Variants in DPY30 observed in about 807,000 individuals in gnomAD.
DPY30 encodes protein dpy-30 homolog.
A neutral mutation model predicts 16.2 loss-of-function variants in DPY30; 6 were observed. That is an observed-to-expected ratio of 0.37 (90% confidence interval 0.20 to 0.73). The LOEUF is 0.73. DPY30 is among the 30% of genes least tolerant of loss of function. DPY30 has a pLI of 0.51. For missense variants in DPY30, 73 were observed against 113.1 expected, an observed-to-expected ratio of 0.65 and a Z score of 1.61; for synonymous variants, 39 against 38.8, an observed-to-expected ratio of 1.00 and a Z score of -0.02.
At chr2:32,028,062 ATCTAT>A (rs1675400243) in intron 4 of DPY30, among the ~76,000 whole-genome samples, 1 of 151,946 alleles carries the variant, frequency 6.6e-6, no homozygotes, top group Non-Finnish European at 1.5e-5. Flanking sequence ...TAAACAAATT[ATCTAT>A]TCTAAGTTAA....
intron 3 of DPY30, among the ~76,000 whole-genome samples, chr2:32,035,719 A>G (rs1195905103): frequency 6.6e-6 from 1 of 152,000 alleles, no homozygotes; most frequent in East Asian, 1.9e-4. Flanking sequence ...AGCTTACTTA[A>G]GGTCAGCAGT....
chr2:32,022,345 TAAG>T (rs1301313627), downstream of DPY30, among the ~76,000 whole-genome samples: 1 of 151,966 alleles, frequency 6.6e-6, no homozygotes, highest in East Asian at 1.9e-4. Flanking sequence ...AACTACTATA[TAAG>T]AAGATCCCAG....
In DPY30 at chr2:32,039,334, A is replaced by T. The variant is rs1283489155; in HGVS notation, c.37-8T>A. On this transcript the variant is annotated splice_region_variant and splice_polypyrimidine_tract_variant and intron_variant, in intron 2 of 4. Coordinates refer to ENST00000342166, the MANE Select transcript of DPY30 (RefSeq NM_001321209.2). ...GTGAGGATTTTCTGCAACCTAGAAA[A>T]CAAAACACCGGTCACAGAGATATAA... 3.1e-6 allele frequency: 5 copies of T among 1,614,094 alleles called. No homozygotes were observed. In the South Asian group the frequency reaches 5.5e-5, roughly 18 times the overall value.
downstream of DPY30, among the ~76,000 whole-genome samples, chr2:32,021,635 C>CAA (rs1675183188): frequency 6.8e-6 from 1 of 146,180 alleles, no homozygotes; most frequent in African/African-American, 2.5e-5. Flanking sequence ...GCTGAGATTG[C>CAA]GCCACTGCAC....
chr2:32,027,954 T>G (rs570577192), intron 4 of DPY30, among the ~76,000 whole-genome samples: 142 of 152,218 alleles, frequency 9.3e-4, no homozygotes, highest in African/African-American at 3.2e-3. Context: ...TAATTGTTGA[T>G]AGTAGAGCCA....
chr2:32,024,381 T>C, intron 4 of DPY30, 125 bp from the exon 5 acceptor site: 1 of 711,220 alleles, frequency 1.4e-6, no homozygotes, highest in Non-Finnish European at 2.3e-6. Flanking sequence ...CAAAGGACAT[T>C]TGTAGTAAAT....
At chr2:32,023,807 C>G (rs1023917850), downstream of DPY30, 10 of 1,307,816 alleles carry the variant, frequency 7.6e-6, no homozygotes, top group Non-Finnish European at 9.1e-6. Context: ...TGTTGTAAAA[C>G]TCTGCAGCAT....
intron 5 of DPY30, among the ~76,000 whole-genome samples, chr2:32,012,419 CTTTTTTTTTTTTT>C (rs397984233): frequency 2.4e-5 from 2 of 81,652 alleles, no homozygotes; most frequent in African/African-American, 9.4e-5. Context: ...TCTCTTTTTT[CTTTTTTTTTTTTT>C]TTTTTTTTTT....
intron 3 of DPY30, among the ~76,000 whole-genome samples, chr2:32,030,728 G>A (rs1675506747): frequency 6.6e-6 from 1 of 151,982 alleles, no homozygotes; most frequent in South Asian, 2.1e-4. Context: ...GAGCCCAGGA[G>A]ACGGAGGTTG....
At chr2:32,027,689 C>T (rs1322401520) in intron 4 of DPY30, among the ~76,000 whole-genome samples, 3 of 132,076 alleles carry the variant, frequency 2.3e-5, no homozygotes, top group Non-Finnish European at 4.7e-5. Flanking sequence ...AGTGCAGTGG[C>T]GCAATCTCGG....
At chr2:32,032,472 G>T (rs190644961) in intron 3 of DPY30, among the ~76,000 whole-genome samples, 1 of 152,210 alleles carries the variant, frequency 6.6e-6, no homozygotes, top group African/African-American at 2.4e-5. Flanking sequence ...ACTTCACACT[G>T]ATCACAACAA....
chr2:32,021,480 C>A (rs1367374005), downstream of DPY30, among the ~76,000 whole-genome samples: 1 of 151,872 alleles, frequency 6.6e-6, no homozygotes, highest in Non-Finnish European at 1.5e-5. Flanking sequence ...GAGTTCAAGA[C>A]CAGCCTGGCC....
At chr2:32,026,908 T>A (rs1163338798) in intron 4 of DPY30, among the ~76,000 whole-genome samples, 2 of 151,254 alleles carry the variant, frequency 1.3e-5, no homozygotes, top group Non-Finnish European at 2.9e-5. Flanking sequence ...TATCCATATT[T>A]TTTTCCTTTT....
chr2:32,019,973 T>TATAA (rs1675145441), downstream of DPY30, among the ~76,000 whole-genome samples: 1 of 145,920 alleles, frequency 6.9e-6, no homozygotes, highest in Admixed American at 6.7e-5. Flanking sequence ...TATATATATA[T>TATAA]AATGTTAAGA....
At chr2:32,033,610 T>C (rs1333969945) in intron 3 of DPY30, among the ~76,000 whole-genome samples, 1 of 152,208 alleles carries the variant, frequency 6.6e-6, no homozygotes, top group Non-Finnish European at 1.5e-5. Context: ...AGGCGGAGGT[T>C]GCGGTGAGCC....
intron 3 of DPY30, among the ~76,000 whole-genome samples, chr2:32,030,629 CAA>C (rs35489420): frequency 4.4e-4 from 32 of 72,270 alleles, no homozygotes; most frequent in Admixed American, 6.4e-4. Flanking sequence ...GACTCAGTCT[CAA>C]AAAAAAAAAA....
At chr2:32,014,038 G>C (rs555348585) in intron 5 of DPY30, among the ~76,000 whole-genome samples, 2 of 151,536 alleles carry the variant, frequency 1.3e-5, no homozygotes, top group African/African-American at 2.4e-5. Context: ...GAGAGACAGA[G>C]AGGGAGGGAG....
chr2:32,024,236 A>G lies in DPY30; in HGVS notation c.248T>C (p.Phe83Ser). 1 of 1,612,596 alleles carries G rather than the reference A, an allele frequency of 6.2e-7. No homozygotes were observed. Among genetic ancestry groups the G allele is most frequent in the Non-Finnish European group, 8.5e-7 (1 of 1,179,182 alleles). The stretch of plus-strand genomic sequence containing the variant: ...GTTTTTTAAAAGATAAGATGCTAGA[A>G]ATTCAATGGGATTTGGTGGTCTGTA... ...AKERPPNPIEFLASYLLKNKA... is the reference protein window; with the variant it reads ...AKERPPNPIESLASYLLKNKA... The change falls in exon 5 of 5, where the codon TTT (phenylalanine) becomes TCT (serine). Residue 83 changes from phenylalanine to serine, a missense_variant. Transcript: ENST00000342166.
intron 4 of DPY30, among the ~76,000 whole-genome samples, chr2:32,026,950 G>A (rs1572995437): frequency 7.3e-6 from 1 of 136,588 alleles, no homozygotes; most frequent in Non-Finnish European, 1.5e-5. Flanking sequence ...GACTACTCAA[G>A]TGCAATAGTG....
Sources: allele counts gnomAD v4.1 joint callset (sites outside exome capture counted in the v4.1 genomes callset), GRCh38; gene constraint gnomAD v4.1.1; transcripts MANE v1.5; gene names NCBI Gene and HGNC (gene_info 2026-07-23, HGNC 2026-07-21).